The following HIVEP1 variants were observed in gnomAD, a reference collection of about 807,000 sequenced individuals.
HIVEP1 encodes the protein zinc finger protein 40.
Under a neutral mutation model 180.0 loss-of-function variants are expected in HIVEP1, and 36 were observed. That is an observed-to-expected ratio of 0.20 (90% CI 0.15 to 0.26). HIVEP1 has a LOEUF of 0.26. Ranked by LOEUF, HIVEP1 falls within the 10% of genes least tolerant of loss-of-function variation. The pLI is 1.00. For missense variants in HIVEP1, 3,143 were observed against 3,268.7 expected, an observed-to-expected ratio of 0.96 and a Z score of 0.94; for synonymous variants, 1,239 against 1,239.0, an observed-to-expected ratio of 1.00 and a Z score of 0.00.
chr6:12,037,753 T>C, intron 2 of HIVEP1: 1 of 436,148 alleles, frequency 2.3e-6, no homozygotes. Context: ...CAGGCTGGAG[T>C]GCAGTGGTGT....
At chr6:12,199,522 C>A in the HIVEP1 span, among the ~76,000 whole-genome samples, 1 of 151,888 alleles carries the variant, frequency 6.6e-6, no homozygotes, top group Non-Finnish European at 1.5e-5. Context: ...CCACCATGCC[C>A]GGCTAATTTT....
intron 3 of HIVEP1, among the ~76,000 whole-genome samples, chr6:12,118,334 G>A (rs2327515): frequency 0.29 from 44,136 of 151,998 alleles, 7,071 homozygotes; most frequent in Middle Eastern, 0.49. Context: ...AAATATGTAC[G>A]TTGCAACAGC....
At chr6:12,210,943 GAT>G in the HIVEP1 span, among the ~76,000 whole-genome samples, 1 of 151,868 alleles carries the variant, frequency 6.6e-6, no homozygotes, top group Non-Finnish European at 1.5e-5. Flanking sequence ...CATAATGCCC[GAT>G]AAATGAATGC....
intron 7 of HIVEP1, among the ~76,000 whole-genome samples, chr6:12,141,789 G>A (rs1037231870): frequency 6.8e-6 from 1 of 147,658 alleles, no homozygotes; most frequent in Non-Finnish European, 1.5e-5. Flanking sequence ...GACAAAGAAG[G>A]CCATTACATA....
chr6:12,105,015 T>C (rs1046587734), intron 3 of HIVEP1, among the ~76,000 whole-genome samples: 26 of 152,380 alleles, frequency 1.7e-4, no homozygotes, highest in African/African-American at 6.3e-4. Flanking sequence ...TCTTTGAATA[T>C]ATGATGGACA....
chr6:12,187,169 G>A, the HIVEP1 span, among the ~76,000 whole-genome samples: 6 of 152,160 alleles, frequency 3.9e-5, no homozygotes, highest in Non-Finnish European at 8.8e-5. Context: ...GGAGAGCAGA[G>A]TTCAGAGCAG....
At chr6:12,176,220 T>C in the HIVEP1 span, among the ~76,000 whole-genome samples, 2 of 146,056 alleles carry the variant, frequency 1.4e-5, no homozygotes, top group Non-Finnish European at 3.0e-5. Context: ...AATTTTGTTT[T>C]TGTAAGTCTT....
At chr6:12,016,510 C>T (rs55706944) in intron 2 of HIVEP1, among the ~76,000 whole-genome samples, 6,699 of 152,174 alleles carry the variant, frequency 0.044, 192 homozygotes, top group Middle Eastern at 0.16. Flanking sequence ...ACTTAAAAAT[C>T]AAATAAATTA....
In HIVEP1 at chr6:12,163,480, G is replaced by A. The variant is rs754752037; in HGVS notation, c.7176G>A (p.Ser2392=). 102 of 1,614,082 alleles carry A rather than the reference G, an allele frequency of 6.3e-5. No individual in the cohort carries two copies. The South Asian group carries it at 9.2e-4, about 15-fold the overall frequency. Reference sequence around the variant, plus strand: ...TTCCTTTGCATTCCCAGCAGCAATCGAGGACACCTTATAATATGGTTCCAG... The same window carrying A: ...TTCCTTTGCATTCCCAGCAGCAATCAAGGACACCTTATAATATGGTTCCAG... ...SHLPLHSQQQ[S]RTPYNMVPVG... Residue 2392 remains serine (S), a synonymous_variant, in exon 9 of 9, where the codon TCG becomes TCA. Coordinates refer to ENST00000379388, the MANE Select transcript of HIVEP1 (RefSeq NM_002114.4).
Position 12,161,410 on chromosome 6 carries a change from A to G in HIVEP1, c.6488-29A>G, listed in dbSNP as rs1217900756. On this transcript the variant is annotated intron_variant, in intron 7 of 8. Coordinates refer to ENST00000379388, the MANE Select transcript of HIVEP1 (RefSeq NM_002114.4). ...CACTTGTGCACTTGGAAAGCATTCC[A>G]TCACATACCTCTTGGTTGTTTTTAT... is the stretch of plus-strand genomic sequence containing the variant. 4 of 1,587,282 alleles carry G rather than the reference A, an allele frequency of 2.5e-6. No individual in the cohort carries two copies. The East Asian group carries it at 9.0e-5, about 36-fold the overall frequency.
chr6:12,099,462 G>A (rs915006818), intron 3 of HIVEP1, among the ~76,000 whole-genome samples: 2 of 152,094 alleles, frequency 1.3e-5, no homozygotes, highest in Non-Finnish European at 2.9e-5. Flanking sequence ...CACCGCGCCC[G>A]GCCTCACTGA....
chr6:12,139,619 G>A (rs1758901031), intron 7 of HIVEP1, among the ~76,000 whole-genome samples: 1 of 152,150 alleles, frequency 6.6e-6, no homozygotes, highest in African/African-American at 2.4e-5. Context: ...TGGAAAAACG[G>A]GACACTCCTG....
chr6:12,138,968 C>T (rs1758850288), intron 7 of HIVEP1, among the ~76,000 whole-genome samples: 1 of 151,788 alleles, frequency 6.6e-6, no homozygotes, highest in African/African-American at 2.4e-5. Context: ...CAGAATCCAT[C>T]CACTTTTAAT....
chr6:12,168,682 G>T (rs1760826133), downstream of HIVEP1, among the ~76,000 whole-genome samples: 1 of 151,846 alleles, frequency 6.6e-6, no homozygotes, highest in Non-Finnish European at 1.5e-5. Context: ...AGGAGCCAAA[G>T]CTCCCAGCCA....
intron 3 of HIVEP1, among the ~76,000 whole-genome samples, chr6:12,090,759 T>TTC (rs70981662): frequency 7.7e-6 from 1 of 130,338 alleles, no homozygotes; most frequent in African/African-American, 2.8e-5. Flanking sequence ...TTTTTTTTTT[T>TTC]ACATCTAGTC....
the HIVEP1 span, among the ~76,000 whole-genome samples, chr6:12,206,669 T>A: frequency 6.6e-6 from 1 of 152,182 alleles, no homozygotes; most frequent in Admixed American, 6.5e-5. Flanking sequence ...TTATATTGTT[T>A]AAGCCAACCA....
Position 12,119,934 on chromosome 6 carries a change from G to T in HIVEP1, c.139G>T (p.Gly47Cys). ...GVKGTSESLK[G>C]VKRKKIVAEN... The stretch of plus-strand genomic sequence containing the variant: ...TAAAGGAACTTCGGAATCCCTTAAA[G>T]GTGTGAAACGCAAAAAGATCGTAGC... Residue 47 changes from glycine to cysteine, a missense_variant, in exon 4 of 9, where the codon GGT becomes TGT. By Grantham distance (159) the Gly-to-Cys change is radical. Coordinates refer to ENST00000379388, the MANE Select transcript of HIVEP1 (RefSeq NM_002114.4). 1 of 1,596,448 alleles carries T rather than the reference G, an allele frequency of 6.3e-7. No individual in the cohort carries two copies. The highest frequency in any genetic ancestry group is 8.5e-7 in the Non-Finnish European group (1 of 1,175,098).
downstream of HIVEP1, among the ~76,000 whole-genome samples, chr6:12,168,359 ATT>A (rs1562025061): frequency 8.0e-5 from 8 of 100,436 alleles, no homozygotes; most frequent in East Asian, 2.8e-4. Context: ...ATATGTATAT[ATT>A]ATATACATAT....
rs1276755330 is a variant in HIVEP1 at position 12,121,476 on chromosome 6, C to T, written c.1681C>T (p.Pro561Ser). ...SAESQAVTEL[P>S]KVVVHHVTVS... is the part of the protein sequence containing the mutation. ...AGAATCACAAGCTGTGACAGAGTTA[C>T]CGAAAGTTGTGGTCCACCATGTCAC... The change falls in exon 4 of 9, where the codon CCG becomes TCG. Residue 561 changes from proline to serine, a missense_variant. Physicochemically the swap from Pro to Ser is moderately conservative, Grantham distance 74. Around this residue, in one of 12 missense-constraint regions of HIVEP1, gnomAD observed 365 missense variants for 344.4 expected, o/e 1.06. Transcript: ENST00000379388. This position sits in a 1 kb window ranked among gnomAD's most constrained non-coding sequence, Gnocchi z 5.3. 6.2e-7 allele frequency: 1 copy of T among 1,614,068 alleles called. No homozygotes were observed. The highest frequency in any genetic ancestry group is 8.5e-7 in the Non-Finnish European group (1 of 1,180,048).
Sources: allele counts gnomAD v4.1 joint callset (sites outside exome capture counted in the v4.1 genomes callset), GRCh38; gene constraint gnomAD v4.1.1; regional missense constraint gnomAD v4.1.1; non-coding constraint Gnocchi (gnomAD v3.1); transcripts MANE v1.5; gene names NCBI Gene and HGNC (gene_info 2026-07-23, HGNC 2026-07-21).